Variants in DNMBP observed in about 807,000 individuals in gnomAD.
DNMBP encodes the protein dynamin-binding protein.
DNMBP carries 87 observed loss-of-function variants against 150.0 expected under a neutral mutation model. The ratio of observed to expected loss-of-function variants is 0.58; its 90% CI spans 0.49 to 0.69. DNMBP has a LOEUF of 0.69. Among genes scored for constraint, DNMBP ranks in the 30% least tolerant of loss-of-function variants. The probability of loss-of-function intolerance (pLI) is 0.00; values close to 1 mark genes in which losing one functional copy is unlikely to be tolerated. For synonymous variants in DNMBP, 711 were observed against 750.4 expected (o/e 0.95, Z 0.86); for missense variants, 1,774 against 1,949.0 (o/e 0.91, Z 1.69).
chr10:99,899,981 A>C lies in DNMBP; in HGVS notation c.2640T>G (p.Leu880=). Residue 880 remains leucine (L), a synonymous_variant, in exon 7 of 17, where the codon CTT becomes CTG. Transcript: ENST00000324109. ...TCTTCTCATCCTTCTCGTAGATTTC[A>C]AGCAGCGCAATGGCCTCATCATGAT... The part of the protein sequence containing the change: ...CQNHDEAIAL[L]EIYEKDEKIQ... The C allele has an allele frequency of 1.2e-6, 2 of 1,614,124 alleles. No individual in the cohort carries two copies. Among genetic ancestry groups the C allele is most frequent in the Non-Finnish European group, 1.7e-6 (2 of 1,180,032 alleles).
chr10:99,882,135 T>C (rs1008821188), intron 15 of DNMBP, among the ~76,000 whole-genome samples: 1 of 152,032 alleles, frequency 6.6e-6, no homozygotes, highest in African/African-American at 2.4e-5. Flanking sequence ...ACAAATACCA[T>C]ATAATCTCAT....
intron 4 of DNMBP, chr10:99,927,192 A>G (rs1589422079): frequency 6.6e-6 from 1 of 152,258 alleles, no homozygotes; most frequent in Non-Finnish European, 1.5e-5. Flanking sequence ...GGGACAGGAC[A>G]TTCCACTTAG....
chr10:99,990,044 G>A (rs777443651), intron 1 of DNMBP, among the ~76,000 whole-genome samples: 5 of 152,074 alleles, frequency 3.3e-5, no homozygotes, highest in Non-Finnish European at 7.4e-5. Flanking sequence ...TAAGCCCTCC[G>A]TAAATATTTG....
At chr10:100,005,869 CTACA>C (rs2041065328) in intron 1 of DNMBP, among the ~76,000 whole-genome samples, 1 of 151,848 alleles carries the variant, frequency 6.6e-6, no homozygotes, top group Non-Finnish European at 1.5e-5. Context: ...TTGCAAGCTC[CTACA>C]TAAACAAAAG....
intron 1 of DNMBP, among the ~76,000 whole-genome samples, chr10:100,001,111 A>G (rs375553671): frequency 2.7e-5 from 4 of 150,148 alleles, no homozygotes; most frequent in African/African-American, 9.8e-5. Flanking sequence ...CGTGCCTGTA[A>G]TCCCAGCTAC....
rs370012463 is a variant in DNMBP at position 99,957,136 on chromosome 10, C to T, written c.338G>A (p.Arg113Gln). 168 of 1,612,644 alleles carry T rather than the reference C, an allele frequency of 1.0e-4. No individual in the cohort carries two copies. The highest frequency in any genetic ancestry group is 1.6e-4 in the Middle Eastern group (1 of 6,062). ...GACACATGAAGATGGGAAGAAGCCCCGTGCGCCCCAGCAGCTTCGGCCCTG... is the reference window on the plus strand; with the variant it reads ...GACACATGAAGATGGGAAGAAGCCCTGTGCGCCCCAGCAGCTTCGGCCCTG... ...WLQGRSCWGA[R>Q]GFFPSSCVRE... The change falls in exon 4 of 17, where the codon CGG becomes CAG. Residue 113 changes from arginine (R) to glutamine (Q), a missense_variant. By Grantham distance (43) the Arg-to-Gln change is conservative. Around this residue, in one of 2 missense-constraint regions of DNMBP, gnomAD observed 344 missense variants for 456.6 expected, o/e 0.75. Transcript: ENST00000324109.
At chr10:99,959,148 CATT>C (rs1416301424) in intron 3 of DNMBP, among the ~76,000 whole-genome samples, 1 of 152,066 alleles carries the variant, frequency 6.6e-6, no homozygotes, top group Non-Finnish European at 1.5e-5. Context: ...TGTCATTCCT[CATT>C]AATTTTTTTT....
rs1005756226 is a variant in DNMBP, at chr10:99,914,094, C to T, written c.2261-4948G>A. The stretch of plus-strand genomic sequence containing the variant: ...GTCGGCATTTCCCCCAGGCTTCCCA[C>T]ATTTACATATGAATCGCGCAAGTCA... On this transcript the variant is annotated intron_variant, in intron 4 of 16. Coordinates refer to ENST00000324109, the MANE Select transcript of DNMBP (RefSeq NM_015221.4). The T allele has an allele frequency of 9.3e-6, 13 of 1,391,264 alleles. No individual in the cohort carries two copies. The African/African-American group carries it at 1.5e-4, about 16-fold the overall frequency. 86.2% of individuals were successfully genotyped at this position (1,391,264 alleles called of 1,614,324 possible). A position where few individuals can be genotyped will look rare whatever the true frequency, so the allele number is the denominator to read the frequency against.
Position 99,955,983 on chromosome 10 carries a change from A to C in DNMBP, c.1491T>G (p.Pro497=). The change falls in exon 4 of 17, where the codon CCT becomes CCG. Residue 497 remains proline, a synonymous_variant. Transcript: ENST00000324109. ...TATAACTTGCTAGGTTGTGGAGCTG[A>C]GGACTTGATTGTCTGGGTTTGACTA... is the stretch of plus-strand genomic sequence containing the variant. ...SRVVKPRQSS[P]QLHNLASYTK... 1 of 1,614,182 alleles carries C rather than the reference A, an allele frequency of 6.2e-7. No individual in the cohort carries two copies. The highest frequency in any genetic ancestry group is 2.2e-5 in the East Asian group (1 of 44,878).
At chr10:99,987,080 G>A (rs770153484) in intron 1 of DNMBP, among the ~76,000 whole-genome samples, 9 of 151,758 alleles carry the variant, frequency 5.9e-5, no homozygotes, top group Admixed American at 2.0e-4. Context: ...GCATGAACCC[G>A]GGAGGTGGAG....
intron 4 of DNMBP, among the ~76,000 whole-genome samples, chr10:99,925,203 C>CA (rs1011017293): frequency 1.3e-5 from 2 of 152,134 alleles, no homozygotes; most frequent in African/African-American, 4.8e-5. Flanking sequence ...TTTGCAGACT[C>CA]AATCTACGGC....
rs754118021 is a variant in DNMBP, at chr10:99,955,383, C to T, written c.2091G>A (p.Arg697=). The T allele has an allele frequency of 5.6e-6, 9 of 1,614,100 alleles. No homozygotes were observed. The East Asian group carries it at 1.6e-4, about 28-fold the overall frequency. The part of the protein sequence containing the change: ...QTSPCPLVLV[R]IEEMERDLDM... ...CCAAGTCCCGCTCCATTTCCTCAAT[C>T]CTCACCAGCACTAAGGGGCATGGGG... The change falls in exon 4 of 17, where the codon AGG becomes AGA. Residue 697 remains arginine (R), a synonymous_variant. Transcript: ENST00000324109.
intron 6 of DNMBP, among the ~76,000 whole-genome samples, chr10:99,906,839 G>C (rs1327233500): frequency 6.6e-6 from 1 of 152,112 alleles, no homozygotes; most frequent in East Asian, 1.9e-4. Flanking sequence ...GAAGCAGCGA[G>C]GTAATACATG....
chr10:99,923,468 C>T (rs2040045228), intron 4 of DNMBP, among the ~76,000 whole-genome samples: 1 of 152,094 alleles, frequency 6.6e-6, no homozygotes, highest in Non-Finnish European at 1.5e-5. Context: ...CCTTCCTCCT[C>T]CTGCACTGTA....
intron 9 of DNMBP, among the ~76,000 whole-genome samples, chr10:99,897,621 C>T (rs12254423): frequency 0.012 from 1,804 of 152,268 alleles, 35 homozygotes; most frequent in African/African-American, 0.041. Context: ...CGCTTTTTAT[C>T]GTTACTTCTG....
chr10:99,946,318 C>CT (rs1045356103), intron 4 of DNMBP, among the ~76,000 whole-genome samples: 1 of 152,116 alleles, frequency 6.6e-6, no homozygotes, highest in Non-Finnish European at 1.5e-5. Context: ...AAATGAAAAC[C>CT]TTTTTTTGAT....
At chr10:99,888,172 A>G (rs1019694093) in intron 12 of DNMBP, among the ~76,000 whole-genome samples, 1 of 151,032 alleles carries the variant, frequency 6.6e-6, no homozygotes, top group African/African-American at 2.4e-5. Context: ...TATTAACTAT[A>G]TTCCTAAATA....
At chr10:99,938,591 A>G (rs770475578) in intron 4 of DNMBP, among the ~76,000 whole-genome samples, 10 of 152,142 alleles carry the variant, frequency 6.6e-5, no homozygotes, top group Non-Finnish European at 1.5e-4. Context: ...GAGAGTGAAC[A>G]GTTGGTTACA....
intron 1 of DNMBP, among the ~76,000 whole-genome samples, chr10:99,998,152 T>A: frequency 6.6e-6 from 1 of 150,890 alleles, no homozygotes; most frequent in Admixed American, 6.6e-5. Flanking sequence ...GGAGAATCGC[T>A]TGAACCCGGG....
Sources: allele counts gnomAD v4.1 joint callset (sites outside exome capture counted in the v4.1 genomes callset), GRCh38; gene constraint gnomAD v4.1.1; regional missense constraint gnomAD v4.1.1; transcripts MANE v1.5; gene names NCBI Gene and HGNC (gene_info 2026-07-23, HGNC 2026-07-21).